GPC6: variants seen among roughly 807,000 people sequenced by gnomAD.
GPC6 encodes the protein glypican-6.
A neutral mutation model predicts 55.2 loss-of-function variants in GPC6; 14 were observed. That is an observed-to-expected ratio of 0.25 (90% CI 0.17 to 0.40). The LOEUF is 0.40. GPC6 is among the 10% of genes least tolerant of loss of function. GPC6 has a pLI of 1.00. For missense variants in GPC6, 641 were observed against 708.5 expected, an observed-to-expected ratio of 0.90 and a Z score of 1.08; for synonymous variants, 278 against 259.6, an observed-to-expected ratio of 1.07 and a Z score of -0.68.
chr13:94,143,237 T>TA (rs1300462543), intron 4 of GPC6, among the ~76,000 whole-genome samples: 1 of 152,180 alleles, frequency 6.6e-6, no homozygotes, highest in African/African-American at 2.4e-5. Context: ...TCTCCCTTTG[T>TA]AGTACTTTGT....
intron 1 of GPC6, among the ~76,000 whole-genome samples, chr13:93,290,646 C>T (rs138946468): frequency 2.0e-5 from 3 of 152,100 alleles, no homozygotes; most frequent in African/African-American, 7.2e-5. Context: ...AAATGCATTT[C>T]ACACCAGACT....
At chr13:93,501,458 A>G (rs1006287059) in intron 1 of GPC6, among the ~76,000 whole-genome samples, 1 of 152,150 alleles carries the variant, frequency 6.6e-6, no homozygotes, top group Non-Finnish European at 1.5e-5. Flanking sequence ...AAAATTTTCT[A>G]TGAAATCTTC....
intron 1 of GPC6, among the ~76,000 whole-genome samples, chr13:93,482,419 CA>C (rs1879554362): frequency 2.0e-5 from 3 of 152,134 alleles, no homozygotes; most frequent in African/African-American, 7.2e-5. Flanking sequence ...ATTAATTCAC[CA>C]AAGATAAAAT....
chr13:93,902,012 CAG>C (rs1335940386), intron 3 of GPC6, among the ~76,000 whole-genome samples: 5 of 151,172 alleles, frequency 3.3e-5, no homozygotes, highest in Non-Finnish European at 5.9e-5. Context: ...AAAATCAAAT[CAG>C]GGCAATTTAG....
intron 3 of GPC6, among the ~76,000 whole-genome samples, chr13:93,892,686 G>A (rs1375633071): frequency 6.6e-6 from 1 of 152,088 alleles, no homozygotes; most frequent in African/African-American, 2.4e-5. Flanking sequence ...GATGCCAAGA[G>A]ACACACAGAT....
At chr13:93,374,426 C>T (rs186248912) in intron 1 of GPC6, among the ~76,000 whole-genome samples, 21 of 152,214 alleles carry the variant, frequency 1.4e-4, no homozygotes, top group South Asian at 2.1e-4. Context: ...ACCTCTCTTA[C>T]GGGGTATCCT....
chr13:93,811,838 A>G (rs1341046794), intron 2 of GPC6, among the ~76,000 whole-genome samples: 1 of 152,138 alleles, frequency 6.6e-6, no homozygotes, highest in Non-Finnish European at 1.5e-5. Flanking sequence ...TACATGCAAA[A>G]TGTGAAAATA....
In GPC6 at chr13:94,270,964, A is replaced by AT. The variant is rs764819082; in HGVS notation, c.878-15344dup. Reference sequence around the variant, plus strand: ...AAAGGACCAGAGACAGAGAAGTATAATTTTTTTTTTTTTTTTTTTTTTTTT... The same window carrying AT: ...AAAGGACCAGAGACAGAGAAGTATAATTTTTTTTTTTTTTTTTTTTTTTTTT... On this transcript the variant is annotated intron_variant, in intron 4 of 8. Transcript: ENST00000377047. Among the ~76,000 whole-genome samples, 125 of 49,672 alleles carry AT rather than the reference A, an allele frequency of 2.5e-3. 11 individuals carry two copies. The highest frequency in any genetic ancestry group is 3.6e-3 in the Admixed American group (11 of 3,070). The allele number at this position is 49,672 out of a possible 152,430, so 32.6% of individuals were successfully genotyped here.
intron 2 of GPC6, among the ~76,000 whole-genome samples, chr13:93,721,362 A>C (rs1264361594): frequency 6.6e-6 from 1 of 151,712 alleles, no homozygotes; most frequent in African/African-American, 2.4e-5. Context: ...AACTATTATT[A>C]TTAAAAGGAA....
chr13:93,611,990 C>G (rs1878482713), intron 2 of GPC6, among the ~76,000 whole-genome samples: 1 of 152,032 alleles, frequency 6.6e-6, no homozygotes, highest in South Asian at 2.1e-4. Flanking sequence ...GCCAGAGTAG[C>G]TACAAACATA....
intron 4 of GPC6, among the ~76,000 whole-genome samples, chr13:94,098,226 T>C (rs1275819203): frequency 6.6e-6 from 1 of 152,214 alleles, no homozygotes; most frequent in Non-Finnish European, 1.5e-5. Context: ...TATGAGGCCA[T>C]GTAGTTTAAT....
At chr13:93,986,103 A>G (rs1881019738) in intron 3 of GPC6, among the ~76,000 whole-genome samples, 1 of 152,194 alleles carries the variant, frequency 6.6e-6, no homozygotes, top group Non-Finnish European at 1.5e-5. Flanking sequence ...TTTCATTTTC[A>G]AAAACAAAAA....
intron 3 of GPC6, among the ~76,000 whole-genome samples, chr13:93,848,730 C>T (rs148892055): frequency 1.1e-3 from 173 of 152,210 alleles, no homozygotes; most frequent in Non-Finnish European, 1.4e-3. Flanking sequence ...ACTTACCTTG[C>T]GGCCTGGTAT....
At chr13:93,912,789 A>G (rs1303374326) in intron 3 of GPC6, among the ~76,000 whole-genome samples, 1 of 152,168 alleles carries the variant, frequency 6.6e-6, no homozygotes. Flanking sequence ...ATTCTCCTGC[A>G]GTTCTAGAGG....
intron 4 of GPC6, among the ~76,000 whole-genome samples, chr13:94,193,197 G>A (rs1363827379): frequency 6.6e-6 from 1 of 152,040 alleles, no homozygotes; most frequent in East Asian, 1.9e-4. Context: ...AAGGTTAGCA[G>A]ATCTGCTACT....
At chr13:93,910,935 A>G (rs891765580) in intron 3 of GPC6, among the ~76,000 whole-genome samples, 10 of 152,342 alleles carry the variant, frequency 6.6e-5, no homozygotes, top group Middle Eastern at 3.4e-3. Flanking sequence ...TATATCAATT[A>G]CCAGCTGCAG....
At chr13:93,400,688 A>G (rs1876038997) in intron 1 of GPC6, among the ~76,000 whole-genome samples, 2 of 152,208 alleles carry the variant, frequency 1.3e-5, no homozygotes, top group African/African-American at 4.8e-5. Context: ...TTATGTCTGT[A>G]TCAAAATATC....
rs141957424 is a variant in GPC6 at position 93,744,021 on chromosome 13, C to T, written c.320-86133C>T. ...TATATATTGAATTTTGGTTTTCTGG[C>T]GAATACAGCAAAAATACTTTAGAGT... On this transcript the variant is annotated intron_variant, in intron 2 of 8. Coordinates refer to ENST00000377047, the MANE Select transcript of GPC6 (RefSeq NM_005708.5). Among the ~76,000 whole-genome samples the T allele has an allele frequency of 1.2e-3, 187 of 152,182 alleles. 1 individual carries two copies. The highest frequency in any genetic ancestry group is 4.3e-3 in the African/African-American group (178 of 41,510).
intron 2 of GPC6, among the ~76,000 whole-genome samples, chr13:93,618,593 T>C (rs915050232): frequency 2.0e-5 from 3 of 152,116 alleles, no homozygotes; most frequent in Non-Finnish European, 4.4e-5. Flanking sequence ...AATTACACTT[T>C]GGATGGAAGA....
Sources: gnomAD v4.1 joint callset for allele counts (sites outside exome capture counted in the v4.1 genomes callset) on GRCh38, gnomAD v4.1.1 for gene constraint, MANE v1.5 for transcripts, NCBI Gene and HGNC (gene_info 2026-07-23, HGNC 2026-07-21) for gene names.